Variants in MB21D2 observed in about 807,000 individuals in gnomAD.
MB21D2 encodes nucleotidyltransferase MB21D2.
Under a neutral mutation model 33.3 loss-of-function variants are expected in MB21D2, and 9 were observed. That is an observed-to-expected ratio of 0.27 (90% CI 0.16 to 0.47). The LOEUF (loss-of-function observed/expected upper bound fraction) is 0.47. Among genes scored for constraint, MB21D2 ranks in the 20% least tolerant of loss-of-function variants. MB21D2 has a pLI of 0.99. For synonymous variants in MB21D2, 241 were observed against 236.3 expected, an observed-to-expected ratio of 1.02 and a Z score of -0.18; for missense variants, 540 against 624.6, an observed-to-expected ratio of 0.86 and a Z score of 1.44.
intron 1 of MB21D2, among the ~76,000 whole-genome samples, chr3:192,840,523 G>A (rs181821301): frequency 2.8e-5 from 4 of 140,804 alleles, no homozygotes; most frequent in Admixed American, 7.7e-5. Flanking sequence ...AGTTTCCAGC[G>A]CAATCCCTCT....
At chr3:192,811,069 C>A (rs1711778795) in intron 1 of MB21D2, among the ~76,000 whole-genome samples, 1 of 152,116 alleles carries the variant, frequency 6.6e-6, no homozygotes, top group East Asian at 1.9e-4. Context: ...CCAGCCACTG[C>A]CAGGAAGTGC....
chr3:192,835,849 A>C (rs1209796004), intron 1 of MB21D2, among the ~76,000 whole-genome samples: 9 of 152,212 alleles, frequency 5.9e-5, no homozygotes, highest in Admixed American at 1.3e-4. Context: ...GGGGGAAAAA[A>C]AAAAAAAAGG....
intron 1 of MB21D2, among the ~76,000 whole-genome samples, chr3:192,887,840 C>G (rs11707974): frequency 6.6e-6 from 1 of 151,922 alleles, no homozygotes; most frequent in Non-Finnish European, 1.5e-5. Flanking sequence ...GAATGTGCAT[C>G]TGAGTCACCC....
intron 1 of MB21D2, among the ~76,000 whole-genome samples, chr3:192,874,986 C>T (rs112044324): frequency 0.016 from 2,388 of 150,746 alleles, 60 homozygotes; most frequent in African/African-American, 0.055. Context: ...TCCTTTCACC[C>T]TAACTACACC....
At chr3:192,871,034 C>T (rs1395020668) in intron 1 of MB21D2, among the ~76,000 whole-genome samples, 3 of 152,144 alleles carry the variant, frequency 2.0e-5, no homozygotes, top group Non-Finnish European at 1.5e-5. Context: ...GGGATAAGGA[C>T]GTCTGCTCTG....
chr3:192,859,857 G>A (rs1405751496), intron 1 of MB21D2, among the ~76,000 whole-genome samples: 3 of 152,150 alleles, frequency 2.0e-5, no homozygotes, highest in East Asian at 1.9e-4. Context: ...TAGACTTTTC[G>A]AGCCTGACCA....
At chr3:192,822,088 C>T (rs1712072521) in intron 1 of MB21D2, among the ~76,000 whole-genome samples, 1 of 151,512 alleles carries the variant, frequency 6.6e-6, no homozygotes, top group African/African-American at 2.4e-5. Context: ...GTATACCTAT[C>T]GCATTTCTAA....
intron 1 of MB21D2, among the ~76,000 whole-genome samples, chr3:192,857,694 T>G (rs1342892660): frequency 6.6e-6 from 1 of 151,986 alleles, no homozygotes; most frequent in East Asian, 1.9e-4. Flanking sequence ...CAATCCTGAC[T>G]CTGCCTTCCA....
At chr3:192,898,415 G>C (rs1397960971) in intron 1 of MB21D2, among the ~76,000 whole-genome samples, 1 of 148,722 alleles carries the variant, frequency 6.7e-6, no homozygotes, top group Non-Finnish European at 1.5e-5. Context: ...AACTGGACTA[G>C]ACAATTTCAA....
At chr3:192,899,024 G>A (rs1453715432) in intron 1 of MB21D2, among the ~76,000 whole-genome samples, 5 of 152,220 alleles carry the variant, frequency 3.3e-5, no homozygotes, top group African/African-American at 1.2e-4. Flanking sequence ...TGGATGAAGA[G>A]GCAACAGGAA....
At chr3:192,852,352 C>G (rs774171945) in intron 1 of MB21D2, among the ~76,000 whole-genome samples, 3 of 152,182 alleles carry the variant, frequency 2.0e-5, no homozygotes, top group Non-Finnish European at 4.4e-5. Flanking sequence ...AAGCAAATAG[C>G]CCTTATTTCA....
chr3:192,840,652 A>T (rs1468308329), intron 1 of MB21D2, among the ~76,000 whole-genome samples: 4 of 151,980 alleles, frequency 2.6e-5, no homozygotes, highest in African/African-American at 7.2e-5. Context: ...TCCCCAGATG[A>T]CTTAATGAGA....
intron 1 of MB21D2, among the ~76,000 whole-genome samples, chr3:192,830,370 G>C (rs1319672180): frequency 6.6e-6 from 1 of 151,820 alleles, no homozygotes; most frequent in East Asian, 1.9e-4. Context: ...CACTGTTTAG[G>C]TTCCATTCCG....
At chr3:192,813,734 C>T (rs1711843866) in intron 1 of MB21D2, among the ~76,000 whole-genome samples, 1 of 152,116 alleles carries the variant, frequency 6.6e-6, no homozygotes, top group Non-Finnish European at 1.5e-5. Context: ...ACTAATCTGA[C>T]CACACACAAT....
rs559892948 is a variant in MB21D2, at chr3:192,901,003, G to A, written c.211+16627C>T. Among the ~76,000 whole-genome samples, 4 of 152,150 alleles carry A rather than the reference G, an allele frequency of 2.6e-5. No homozygotes were observed. In the South Asian group the frequency reaches 8.3e-4, roughly 32 times the overall value. ...GCCTCTGTTGAAGAAACTGATGAAG[G>A]ATGGATGTATGAATGCTTCAGGAAG... On this transcript the variant is annotated intron_variant, in intron 1 of 1. Coordinates refer to ENST00000392452, the MANE Select transcript of MB21D2 (RefSeq NM_178496.4).
intron 1 of MB21D2, among the ~76,000 whole-genome samples, chr3:192,866,135 T>C (rs1369786807): frequency 3.3e-5 from 5 of 152,194 alleles, no homozygotes; most frequent in African/African-American, 1.2e-4. Context: ...CTAGAGCCAC[T>C]GACCCTTGTG....
chr3:192,855,348 C>T (rs1191459405), intron 1 of MB21D2, among the ~76,000 whole-genome samples: 22 of 152,174 alleles, frequency 1.4e-4, no homozygotes, highest in Admixed American at 1.4e-3. Context: ...CTGCCTGCCT[C>T]GGGCTCCCAA....
intron 1 of MB21D2, among the ~76,000 whole-genome samples, chr3:192,827,147 C>T (rs905236883): frequency 2.0e-5 from 3 of 152,130 alleles, no homozygotes; most frequent in Non-Finnish European, 2.9e-5. Context: ...CCACCCGCCT[C>T]GGCCTCCCAA....
At chr3:192,843,703 T>A (rs940988121) in intron 1 of MB21D2, among the ~76,000 whole-genome samples, 4 of 152,192 alleles carry the variant, frequency 2.6e-5, no homozygotes, top group African/African-American at 7.2e-5. Flanking sequence ...ATATTCACTT[T>A]CTGGCTTTAC....
Sources: allele counts gnomAD v4.1 joint callset (sites outside exome capture counted in the v4.1 genomes callset), GRCh38; gene constraint gnomAD v4.1.1; transcripts MANE v1.5; gene names NCBI Gene and HGNC (gene_info 2026-07-23, HGNC 2026-07-21).